TMEFF2: variants seen among roughly 807,000 people sequenced by gnomAD.
TMEFF2 encodes the protein transmembrane protein with EGF like and two follistatin like domains 2.
In TMEFF2, 28 loss-of-function variants were observed where a neutral mutation model predicts 53.8. The observed-to-expected ratio is 0.52, with a 90% CI of 0.39 to 0.71. The LOEUF (loss-of-function observed/expected upper bound fraction) is 0.71, where lower values mean the gene tolerates loss of function less well. TMEFF2 is among the 30% of genes least tolerant of loss of function. The pLI is 0.00. For missense variants in TMEFF2, 353 were observed against 455.2 expected, an observed-to-expected ratio of 0.78 and a Z score of 2.04; for synonymous variants, 162 against 166.3, an observed-to-expected ratio of 0.97 and a Z score of 0.20.
intron 4 of TMEFF2, among the ~76,000 whole-genome samples, chr2:192,113,015 G>A (rs139884472): frequency 5.1e-4 from 78 of 152,256 alleles, no homozygotes; most frequent in South Asian, 2.1e-3. Context: ...TTTGTCAGCA[G>A]TGTGGAAACT....
intron 4 of TMEFF2, among the ~76,000 whole-genome samples, chr2:192,119,445 A>G (rs967582174): frequency 2.0e-5 from 3 of 152,190 alleles, no homozygotes; most frequent in African/African-American, 7.2e-5. Flanking sequence ...TGAGCATATG[A>G]TTTTAGTTGA....
chr2:191,961,986 G>A (rs903024696), intron 7 of TMEFF2, among the ~76,000 whole-genome samples: 13 of 152,106 alleles, frequency 8.5e-5, no homozygotes, highest in African/African-American at 3.1e-4. Flanking sequence ...AAAAGTGACA[G>A]CCTAGCATGA....
At chr2:192,155,304 T>C (rs1412981302) in intron 4 of TMEFF2, among the ~76,000 whole-genome samples, 1 of 152,018 alleles carries the variant, frequency 6.6e-6, no homozygotes, top group Non-Finnish European at 1.5e-5. Flanking sequence ...CCTTGTCACT[T>C]TGGCTAATCA....
chr2:191,998,127 T>C, intron 7 of TMEFF2, 135 bp downstream of exon 7: 1 of 645,284 alleles, frequency 1.5e-6, no homozygotes, highest in Non-Finnish European at 2.5e-6. Context: ...AATGAAAGCT[T>C]GAACTAAGCA....
chr2:192,099,797 A>G (rs1368071545), intron 4 of TMEFF2, among the ~76,000 whole-genome samples: 4 of 149,650 alleles, frequency 2.7e-5, no homozygotes, highest in African/African-American at 9.8e-5. Flanking sequence ...TTTTTTTTCC[A>G]TCTTAGGAGT....
At chr2:192,109,601 G>A (rs1689228993) in intron 4 of TMEFF2, among the ~76,000 whole-genome samples, 2 of 152,162 alleles carry the variant, frequency 1.3e-5, no homozygotes, top group South Asian at 4.2e-4. Context: ...AAGACAGACT[G>A]ACTGTCAGGT....
intron 4 of TMEFF2, among the ~76,000 whole-genome samples, chr2:192,120,396 A>C (rs984658148): frequency 1.3e-5 from 2 of 152,176 alleles, no homozygotes; most frequent in African/African-American, 4.8e-5. Flanking sequence ...CCCCACAGTG[A>C]ACATGGGATG....
At chr2:192,028,805 A>G (rs1687041452) in intron 5 of TMEFF2, 2 of 152,188 alleles carry the variant, frequency 1.3e-5, no homozygotes, top group African/African-American at 4.8e-5. Flanking sequence ...TAAAAATTAG[A>G]TGCTCTTATA....
intron 4 of TMEFF2, among the ~76,000 whole-genome samples, chr2:192,157,880 G>A (rs75753439): frequency 0.051 from 7,810 of 152,056 alleles, 289 homozygotes; most frequent in Non-Finnish European, 0.084. Flanking sequence ...CAAACCATCT[G>A]TTGTTCCCTG....
chr2:192,183,487 G>A (rs528143040), intron 3 of TMEFF2, among the ~76,000 whole-genome samples: 6 of 152,082 alleles, frequency 3.9e-5, no homozygotes, highest in East Asian at 3.9e-4. Context: ...AATTGATGAC[G>A]TTGTTATTAT....
intron 5 of TMEFF2, among the ~76,000 whole-genome samples, chr2:192,052,118 A>G (rs954731653): frequency 6.6e-6 from 1 of 152,220 alleles, no homozygotes; most frequent in Non-Finnish European, 1.5e-5. Flanking sequence ...ATACTACAAA[A>G]GCAAAGTTAA....
intron 4 of TMEFF2, among the ~76,000 whole-genome samples, chr2:192,102,626 C>CTTTTT (rs10635775): frequency 2.8e-4 from 31 of 109,832 alleles, no homozygotes; most frequent in African/African-American, 3.6e-4. Flanking sequence ...TTTTCTTGTT[C>CTTTTT]TTTTTTTTTT....
chr2:192,096,630 T>A (rs576495361), intron 4 of TMEFF2, among the ~76,000 whole-genome samples: 1 of 146,258 alleles, frequency 6.8e-6, no homozygotes, highest in South Asian at 2.3e-4. Flanking sequence ...TATTTCTTTT[T>A]TTCTTTTCTT....
intron 7 of TMEFF2, among the ~76,000 whole-genome samples, chr2:191,970,179 G>A (rs1208430005): frequency 2.0e-5 from 3 of 151,984 alleles, no homozygotes. Flanking sequence ...AAGAGACACA[G>A]TAATACCAAT....
At chr2:191,996,185 C>G (rs1287095357) in intron 7 of TMEFF2, among the ~76,000 whole-genome samples, 1 of 151,844 alleles carries the variant, frequency 6.6e-6, no homozygotes, top group South Asian at 2.1e-4. Flanking sequence ...TTTGAGAGAT[C>G]AGTAGAATCT....
intron 7 of TMEFF2, among the ~76,000 whole-genome samples, chr2:191,959,018 C>CAT (rs2105790305): frequency 6.6e-6 from 1 of 152,046 alleles, no homozygotes; most frequent in Non-Finnish European, 1.5e-5. Context: ...GTATATGAAC[C>CAT]ATAGTGTTTG....
In TMEFF2 at chr2:192,194,228, T is replaced by G; in HGVS notation, c.172+125A>C. 2 of 1,099,712 alleles carry G rather than the reference T, an allele frequency of 1.8e-6. No individual in the cohort carries two copies. Among genetic ancestry groups the G allele is most frequent in the Non-Finnish European group, 2.7e-6 (2 of 748,862 alleles). The allele number at this position is 1,099,712 out of a possible 1,614,324, so 68.1% of individuals were successfully genotyped here. ...TGTTTCTCTGGATAGAGGTGGGTGGTATTAGGGGTCTAGGGCAGTAGGAGG... is the reference window on the plus strand; with the variant it reads ...TGTTTCTCTGGATAGAGGTGGGTGGGATTAGGGGTCTAGGGCAGTAGGAGG... On this transcript the variant is annotated intron_variant, in intron 1 of 9. Coordinates refer to ENST00000272771, the MANE Select transcript of TMEFF2 (RefSeq NM_016192.4). The surrounding 1 kb of genome is among the most constrained non-coding windows in gnomAD (Gnocchi z 4.2).
intron 7 of TMEFF2, among the ~76,000 whole-genome samples, chr2:191,965,728 T>C (rs1692450635): frequency 6.6e-6 from 1 of 152,190 alleles, no homozygotes; most frequent in African/African-American, 2.4e-5. Context: ...CTATTCCCTT[T>C]GCCTGGAATG....
At chr2:192,016,504 T>G (rs942709269) in intron 5 of TMEFF2, among the ~76,000 whole-genome samples, 11 of 152,216 alleles carry the variant, frequency 7.2e-5, no homozygotes, top group African/African-American at 2.7e-4. Context: ...TAATACTGAC[T>G]CCTGGCTTAA....
Sources: allele counts gnomAD v4.1 joint callset (sites outside exome capture counted in the v4.1 genomes callset), GRCh38; gene constraint gnomAD v4.1.1; non-coding constraint Gnocchi (gnomAD v3.1); transcripts MANE v1.5; gene names NCBI Gene and HGNC (gene_info 2026-07-23, HGNC 2026-07-21).